Variants in RAPGEF2 observed in about 807,000 individuals in gnomAD.
The protein encoded by RAPGEF2 is PDZ domain containing guanine nucleotide exchange factor (GEF) 1.
RAPGEF2 carries 54 observed loss-of-function variants against 186.7 expected under a neutral mutation model. The ratio of observed to expected loss-of-function variants is 0.29; its 90% confidence interval spans 0.23 to 0.36. RAPGEF2 has a LOEUF of 0.36. Among genes scored for constraint, RAPGEF2 ranks in the 10% least tolerant of loss-of-function variants. The pLI, the probability that RAPGEF2 is intolerant of heterozygous loss-of-function variation, is 1.00. For missense variants in RAPGEF2, 1,532 were observed against 2,045.0 expected (o/e 0.75, Z 4.84); for synonymous variants, 712 against 705.9 (o/e 1.01, Z -0.14).
chr4:159,119,657 T>C (rs1247442373), intron 1 of RAPGEF2, among the ~76,000 whole-genome samples: 1 of 152,230 alleles, frequency 6.6e-6, no homozygotes, highest in Non-Finnish European at 1.5e-5. Context: ...GGTTCGCTTA[T>C]TAGGTGTATG....
chr4:159,182,390 T>TC (rs1388921984), intron 1 of RAPGEF2, among the ~76,000 whole-genome samples: 4 of 52,952 alleles, frequency 7.6e-5, no homozygotes, highest in Non-Finnish European at 1.2e-4. Context: ...TTTCTTCTTT[T>TC]TTTTTTTTTT....
At chr4:159,321,341 G>A (rs1765210460) in intron 9 of RAPGEF2, among the ~76,000 whole-genome samples, 1 of 151,916 alleles carries the variant, frequency 6.6e-6, no homozygotes, top group Non-Finnish European at 1.5e-5. Context: ...TGAGTAGCTA[G>A]GACTATAGGT....
intron 1 of RAPGEF2, among the ~76,000 whole-genome samples, chr4:159,121,779 G>A (rs140584530): frequency 2.6e-5 from 4 of 151,232 alleles, no homozygotes; most frequent in African/African-American, 7.3e-5. Flanking sequence ...GCCTGTAATC[G>A]CAGCACTTTG....
intron 1 of RAPGEF2, among the ~76,000 whole-genome samples, chr4:159,125,349 T>G (rs1005348727): frequency 6.6e-6 from 1 of 152,252 alleles, no homozygotes; most frequent in Non-Finnish European, 1.5e-5. Context: ...TGTTTACATT[T>G]CCTTATCTTG....
intron 1 of RAPGEF2, among the ~76,000 whole-genome samples, chr4:159,167,500 C>T (rs1011036644): frequency 6.6e-6 from 1 of 152,194 alleles, no homozygotes; most frequent in East Asian, 1.9e-4. Flanking sequence ...CTGCAGAGCC[C>T]ATGTTGGGCC....
Position 159,347,002 on chromosome 4 carries a change from A to G in RAPGEF2, c.3712+4A>G. On this transcript the variant is annotated splice_donor_region_variant and intron_variant, in intron 25 of 29. Transcript: ENST00000691494. ...GTAAAGGATCTCCCACCTTTTGGTA[A>G]GTGATTACATTCATTTCTTTTTTTG... 2 of 1,608,854 alleles carry G rather than the reference A, an allele frequency of 1.2e-6. No individual in the cohort carries two copies. Among genetic ancestry groups the G allele is most frequent in the Non-Finnish European group, 1.7e-6 (2 of 1,175,558 alleles).
At chr4:159,141,411 C>T (rs922654097) in intron 1 of RAPGEF2, among the ~76,000 whole-genome samples, 1 of 152,092 alleles carries the variant, frequency 6.6e-6, no homozygotes, top group African/African-American at 2.4e-5. Context: ...CATTATTTAT[C>T]TTAGCAGTCC....
intron 7 of RAPGEF2, among the ~76,000 whole-genome samples, chr4:159,246,621 G>A (rs960059439): frequency 1.3e-5 from 2 of 152,088 alleles, no homozygotes; most frequent in Non-Finnish European, 1.5e-5. Flanking sequence ...AAGTCATTCA[G>A]CTATTGAAAC....
intron 24 of RAPGEF2, among the ~76,000 whole-genome samples, chr4:159,346,057 G>A (rs1730263179): frequency 6.6e-6 from 1 of 152,156 alleles, no homozygotes; most frequent in Admixed American, 6.5e-5. Flanking sequence ...GTCCTCTGGA[G>A]TCAGAGTGGT....
At position 159,329,919 on chromosome 4, in the gene RAPGEF2, A is replaced by G; in HGVS notation, c.1211A>G (p.Gln404Arg). The G allele has an allele frequency of 6.2e-7, 1 of 1,613,644 alleles. No individual in the cohort carries two copies. Among genetic ancestry groups the G allele is most frequent in the Non-Finnish European group, 8.5e-7 (1 of 1,179,648 alleles). ...RILNQVEKNMQKVEEEGEIVM... is the reference protein window; with the variant it reads ...RILNQVEKNMRKVEEEGEIVM... Reference sequence around the variant, plus strand: ...CTCAATCAAGTAGAAAAGAACATGCAAAAAGTTGAAGAGGAAGGAGAGATT... The same window carrying G: ...CTCAATCAAGTAGAAAAGAACATGCGAAAAGTTGAAGAGGAAGGAGAGATT... Residue 404 changes from glutamine to arginine, a missense_variant, in exon 12 of 30, where the codon CAA (glutamine) becomes CGA (arginine). Coordinates refer to ENST00000691494, the MANE Select transcript of RAPGEF2 (RefSeq NM_001394067.2).
intron 11 of RAPGEF2, 54 bp downstream of exon 11, chr4:159,323,671 T>C (rs960819267): frequency 1.8e-6 from 2 of 1,090,780 alleles, no homozygotes; most frequent in African/African-American, 1.6e-5. Flanking sequence ...AGAACACTTA[T>C]ATGCCATTGT....
intron 4 of RAPGEF2, among the ~76,000 whole-genome samples, chr4:159,234,195 T>G (rs1451200634): frequency 6.6e-6 from 1 of 152,176 alleles, no homozygotes; most frequent in African/African-American, 2.4e-5. Context: ...TAATCACATT[T>G]GGATCAGAAT....
intron 3 of RAPGEF2, among the ~76,000 whole-genome samples, chr4:159,196,331 G>C (rs1394187206): frequency 6.6e-6 from 1 of 152,058 alleles, no homozygotes; most frequent in African/African-American, 2.4e-5. Context: ...TTTCGGACCT[G>C]TTATTATTAC....
At chr4:159,299,744 C>G (rs1762429698) in intron 7 of RAPGEF2, among the ~76,000 whole-genome samples, 1 of 151,912 alleles carries the variant, frequency 6.6e-6, no homozygotes. Flanking sequence ...CATTTATTAG[C>G]TAGTAATTTT....
chr4:159,160,235 A>T (rs927338557), intron 1 of RAPGEF2, among the ~76,000 whole-genome samples: 7 of 152,242 alleles, frequency 4.6e-5, no homozygotes, highest in African/African-American at 1.4e-4. Flanking sequence ...AACAACTGAT[A>T]GTTGTGCTTT....
At chr4:159,316,249 G>A (rs1764588832) in intron 9 of RAPGEF2, among the ~76,000 whole-genome samples, 2 of 151,666 alleles carry the variant, frequency 1.3e-5, no homozygotes, top group East Asian at 3.9e-4. Context: ...TATAGAACGA[G>A]GATTATTATA....
chr4:159,226,408 C>T (rs1435921929), intron 4 of RAPGEF2, among the ~76,000 whole-genome samples: 1 of 152,156 alleles, frequency 6.6e-6, no homozygotes, highest in Non-Finnish European at 1.5e-5. Context: ...TTTATAGTCA[C>T]TTTTGAAGTC....
intron 4 of RAPGEF2, among the ~76,000 whole-genome samples, chr4:159,235,587 T>C (rs1055740318): frequency 6.6e-6 from 1 of 152,234 alleles, no homozygotes; most frequent in South Asian, 2.1e-4. Context: ...TTTTTTCCAC[T>C]AAGTAATCTA....
In RAPGEF2 at chr4:159,231,308, C is replaced by T. The variant is rs116580141; in HGVS notation, c.282-7501C>T. 3.6e-3 allele frequency among the ~76,000 whole-genome samples: 543 copies of T among 152,156 alleles called. 4 individuals are homozygous for T. Among genetic ancestry groups the T allele is most frequent in the African/African-American group, 0.012 (518 of 41,526 alleles). ...AGTAAAATCGCCAAACAACATATTT[C>T]CCAGAACATATCTCCATTCTTAAGC... is the stretch of plus-strand genomic sequence containing the variant. On this transcript the variant is annotated intron_variant, in intron 4 of 29. Transcript: ENST00000691494.
Sources: allele counts gnomAD v4.1 joint callset (sites outside exome capture counted in the v4.1 genomes callset), GRCh38; gene constraint gnomAD v4.1.1; transcripts MANE v1.5; gene names NCBI Gene and HGNC (gene_info 2026-07-23, HGNC 2026-07-21).